DHRSX: variants seen among roughly 807,000 people sequenced by gnomAD.
DHRSX encodes the protein polyprenol dehydrogenase.
Under a neutral mutation model 34.0 loss-of-function variants are expected in DHRSX, and 31 were observed. The observed-to-expected ratio is 0.91, with a 90% CI of 0.69 to 1.23. The LOEUF (loss-of-function observed/expected upper bound fraction) is 1.23. Ranked by LOEUF, DHRSX falls within the 50% of genes most tolerant of loss-of-function variation. The pLI is 0.00. For missense variants in DHRSX, 414 were observed against 428.1 expected (o/e 0.97, Z 0.29); for synonymous variants, 201 against 183.8 (o/e 1.09, Z -0.76).
intron 3 of DHRSX, among the ~76,000 whole-genome samples, chrX:2,359,371 C>A (rs745791597): frequency 6.6e-6 from 1 of 152,258 alleles, no homozygotes; most frequent in Non-Finnish European, 1.5e-5. Context: ...CAGTGGTAGA[C>A]AGAATAAAGA....
chrX:2,233,099 A>T (rs927759640), intron 6 of DHRSX, among the ~76,000 whole-genome samples: 3 of 152,100 alleles, frequency 2.0e-5, no homozygotes, highest in Non-Finnish European at 4.4e-5. Flanking sequence ...TGCCAAAGAG[A>T]CTAGAGGTGG....
intron 4 of DHRSX, among the ~76,000 whole-genome samples, chrX:2,289,676 T>C (rs2041844541): frequency 6.6e-6 from 1 of 152,172 alleles, no homozygotes. Context: ...CTAAGTGGTC[T>C]CCACATTTGG....
intron 1 of DHRSX, among the ~76,000 whole-genome samples, chrX:2,428,745 T>C (rs1394119911): frequency 6.6e-6 from 1 of 152,188 alleles, no homozygotes; most frequent in Admixed American, 6.5e-5. Flanking sequence ...GTTCTGCACA[T>C]GTACCCCAGA....
At chrX:2,353,491 G>T (rs1273183295) in intron 3 of DHRSX, among the ~76,000 whole-genome samples, 1 of 152,046 alleles carries the variant, frequency 6.6e-6, no homozygotes, top group Non-Finnish European at 1.5e-5. Context: ...TAGGACAAAG[G>T]GTCACTAAGA....
At chrX:2,485,921 A>G (rs1299345844) in intron 1 of DHRSX, among the ~76,000 whole-genome samples, 5 of 146,210 alleles carry the variant, frequency 3.4e-5, no homozygotes, top group East Asian at 3.9e-4. Context: ...GGAAGGAAGG[A>G]AAGAAGGAAG....
chrX:2,257,193 A>C (rs1452458300), intron 5 of DHRSX, among the ~76,000 whole-genome samples: 2 of 152,180 alleles, frequency 1.3e-5, no homozygotes, highest in African/African-American at 4.8e-5. Context: ...TGACCTTGTG[A>C]TCCACCTGCC....
At chrX:2,318,886 C>T (rs1401412367) in intron 3 of DHRSX, among the ~76,000 whole-genome samples, 4 of 152,102 alleles carry the variant, frequency 2.6e-5, no homozygotes, top group Non-Finnish European at 4.4e-5. Context: ...CAAGAACCCT[C>T]TCTTGGGGTC....
chrX:2,384,341 CA>C (rs2043245948), intron 3 of DHRSX, among the ~76,000 whole-genome samples: 2 of 152,198 alleles, frequency 1.3e-5, no homozygotes, highest in South Asian at 4.2e-4. Flanking sequence ...AGTTTGGAAA[CA>C]AATATATTGG....
chrX:2,272,567 C>A (rs1416003381), intron 4 of DHRSX, among the ~76,000 whole-genome samples: 2 of 152,098 alleles, frequency 1.3e-5, no homozygotes, highest in African/African-American at 4.8e-5. Context: ...GGTCACGTGG[C>A]CCCTGCTTGG....
rs760543075 is a variant in DHRSX, at chrX:2,276,749, A to G, written c.389-9802T>C. Reference sequence around the variant, plus strand: ...AAGGGCAATCAGAGAGAGAGAGAGGAGAGAGAGAGGGAGGGCAAAGAAGGA... The same window carrying G: ...AAGGGCAATCAGAGAGAGAGAGAGGGGAGAGAGAGGGAGGGCAAAGAAGGA... On this transcript the variant is annotated intron_variant, in intron 4 of 6. Transcript: ENST00000334651. Among the ~76,000 whole-genome samples the G allele has an allele frequency of 8.2e-5, 12 of 147,116 alleles. No individual in the cohort carries two copies. The South Asian group carries it at 2.4e-3, about 30-fold the overall frequency.
chrX:2,435,126 G>A (rs2043976716), intron 1 of DHRSX, among the ~76,000 whole-genome samples: 1 of 151,562 alleles, frequency 6.6e-6, no homozygotes, highest in Non-Finnish European at 1.5e-5. Flanking sequence ...AATTCTCAGG[G>A]GTTCAGGACG....
At chrX:2,377,821 C>A (rs751495996) in intron 3 of DHRSX, among the ~76,000 whole-genome samples, 6 of 151,882 alleles carry the variant, frequency 4.0e-5, no homozygotes, top group Admixed American at 3.3e-4. Context: ...TCACTGCAAC[C>A]TCCGCCTCCC....
intron 2 of DHRSX, among the ~76,000 whole-genome samples, chrX:2,417,481 T>C (rs1343862820): frequency 6.6e-6 from 1 of 152,004 alleles, no homozygotes; most frequent in East Asian, 1.9e-4. Flanking sequence ...CATGACCTAA[T>C]CCAACTAGAC....
chrX:2,345,550 G>A (rs1166277187), intron 3 of DHRSX, among the ~76,000 whole-genome samples: 4 of 151,578 alleles, frequency 2.6e-5, no homozygotes, highest in Non-Finnish European at 5.9e-5. Context: ...GGGAGGATGA[G>A]GCAGAAGAAT....
intron 3 of DHRSX, among the ~76,000 whole-genome samples, chrX:2,408,469 G>A (rs2043586266): frequency 2.6e-5 from 4 of 152,076 alleles, no homozygotes; most frequent in Admixed American, 2.6e-4. Flanking sequence ...CCTGTTCCCT[G>A]GGGAACACAC....
At chrX:2,464,205 G>GCTA (rs1556525477) in intron 1 of DHRSX, among the ~76,000 whole-genome samples, 10 of 150,708 alleles carry the variant, frequency 6.6e-5, no homozygotes, top group African/African-American at 2.4e-4. Context: ...CTAAGGGACC[G>GCTA]CCGTGTACAC....
intron 3 of DHRSX, among the ~76,000 whole-genome samples, chrX:2,394,334 A>G (rs2043381929): frequency 6.6e-6 from 1 of 152,202 alleles, no homozygotes; most frequent in African/African-American, 2.4e-5. Flanking sequence ...CTGGGGCAGG[A>G]GGGAAATCGG....
intron 1 of DHRSX, among the ~76,000 whole-genome samples, chrX:2,467,866 CAGG>C (rs1275092136): frequency 6.6e-6 from 1 of 151,040 alleles, no homozygotes; most frequent in Non-Finnish European, 1.5e-5. Context: ...CCCAGCCACT[CAGG>C]AGAATCGCTT....
chrX:2,332,122 C>T (rs1414915392), intron 3 of DHRSX, among the ~76,000 whole-genome samples: 1 of 152,146 alleles, frequency 6.6e-6, no homozygotes, highest in South Asian at 2.1e-4. Flanking sequence ...TGCTCAATAA[C>T]GACATTATTA....
Sources: allele counts gnomAD v4.1 joint callset (sites outside exome capture counted in the v4.1 genomes callset), GRCh38; gene constraint gnomAD v4.1.1; transcripts MANE v1.5; gene names NCBI Gene and HGNC (gene_info 2026-07-23, HGNC 2026-07-21).